CALCR: variants seen among roughly 807,000 people sequenced by gnomAD.
The protein encoded by CALCR is calcitonin receptor.
Under a neutral mutation model 59.5 loss-of-function variants are expected in CALCR, and 47 were observed. That is an observed-to-expected ratio of 0.79 (90% confidence interval 0.63 to 1.01). The LOEUF (loss-of-function observed/expected upper bound fraction) is 1.01, where lower values mean the gene tolerates loss of function less well. Ranked by LOEUF, CALCR falls within the 50% of genes least tolerant of loss-of-function variation. The pLI is 0.00. For missense variants in CALCR, 566 were observed against 597.1 expected, an observed-to-expected ratio of 0.95 and a Z score of 0.54; for synonymous variants, 213 against 211.3, an observed-to-expected ratio of 1.01 and a Z score of -0.07.
intron 2 of CALCR, among the ~76,000 whole-genome samples, chr7:93,516,221 C>G (rs1461804177): frequency 6.6e-6 from 1 of 151,746 alleles, no homozygotes; most frequent in East Asian, 1.9e-4. Context: ...CATGATAATC[C>G]CAAACTTATA....
chr7:93,523,714 T>A (rs1801812123), intron 2 of CALCR, among the ~76,000 whole-genome samples: 2 of 152,204 alleles, frequency 1.3e-5, no homozygotes, highest in Admixed American at 6.5e-5. Flanking sequence ...GATTGCTTTT[T>A]TAAGTCCAGG....
intron 7 of CALCR, among the ~76,000 whole-genome samples, 189 bp from the exon 8 acceptor site, chr7:93,461,136 C>G (rs955982275): frequency 6.6e-6 from 1 of 152,098 alleles, no homozygotes; most frequent in Admixed American, 6.6e-5. Flanking sequence ...AAACATGTTT[C>G]CAAACATAGC....
In CALCR at chr7:93,524,068, C is replaced by T. The variant is rs180705767; in HGVS notation, c.-26-37061G>A. Among the ~76,000 whole-genome samples, 1,008 of 151,906 alleles carry T rather than the reference C, an allele frequency of 6.6e-3. 6 individuals are homozygous for T. The highest frequency in any genetic ancestry group is 0.01 in the Non-Finnish European group (694 of 67,936). On this transcript the variant is annotated intron_variant, in intron 2 of 13. Transcript: ENST00000426151. Reference sequence around the variant, plus strand: ...TTTCATCATATTAGTAGTAATGTTACTCATTAAGTAAAATGAAAAATATAT... The same window carrying T: ...TTTCATCATATTAGTAGTAATGTTATTCATTAAGTAAAATGAAAAATATAT...
In CALCR at chr7:93,435,982, A is replaced by G; in HGVS notation, c.1119T>C (p.Asp373=). The change falls in exon 12 of 14, where the codon GAT becomes GAC. Residue 373 remains aspartate, a synonymous_variant. Transcript: ENST00000426151. ...PSNKMLGKIY[D]YVMHSLIHFQ... Reference sequence around the variant, plus strand: ...AATGAATCAGAGAGTGCATCACGTAATCATATATCTTCCCAAGCATCTTGT... The same window carrying G: ...AATGAATCAGAGAGTGCATCACGTAGTCATATATCTTCCCAAGCATCTTGT... The G allele has an allele frequency of 6.2e-7, 1 of 1,612,606 alleles. No individual in the cohort carries two copies. Among genetic ancestry groups the G allele is most frequent in the Non-Finnish European group, 8.5e-7 (1 of 1,178,754 alleles).
chr7:93,522,581 A>C (rs1050220815), intron 2 of CALCR, among the ~76,000 whole-genome samples: 1 of 152,182 alleles, frequency 6.6e-6, no homozygotes, highest in Non-Finnish European at 1.5e-5. Flanking sequence ...TTGCAGGGTA[A>C]AATTATTTCT....
intron 2 of CALCR, among the ~76,000 whole-genome samples, chr7:93,556,478 G>T (rs2116249058): frequency 6.6e-6 from 1 of 152,000 alleles, no homozygotes; most frequent in South Asian, 2.1e-4. Flanking sequence ...AATCTAAACT[G>T]GAGATAACTT....
intron 2 of CALCR, among the ~76,000 whole-genome samples, chr7:93,497,568 C>T (rs1190987286): frequency 6.6e-6 from 1 of 151,566 alleles, no homozygotes; most frequent in Non-Finnish European, 1.5e-5. Flanking sequence ...TGTTCTGACT[C>T]CTAGTCCTGT....
At chr7:93,528,662 T>C (rs1437535237) in intron 2 of CALCR, among the ~76,000 whole-genome samples, 1 of 152,234 alleles carries the variant, frequency 6.6e-6, no homozygotes, top group Admixed American at 6.5e-5. Flanking sequence ...TAATATAATC[T>C]TAAAGGACTT....
Position 93,527,411 on chromosome 7 carries a change from T to C in CALCR, c.-26-40404A>G, listed in dbSNP as rs568707095. ...ATTGTCTATATTTCTATAATGCAAG[T>C]TGTCCCAAAAAGCTTAGTACAGTTT... On this transcript the variant is annotated intron_variant, in intron 2 of 13. Transcript: ENST00000426151. Among the ~76,000 whole-genome samples the C allele has an allele frequency of 6.0e-4, 92 of 152,196 alleles. 1 individual carries two copies. Among genetic ancestry groups the C allele is most frequent in the African/African-American group, 2.1e-3 (87 of 41,564 alleles).
intron 2 of CALCR, among the ~76,000 whole-genome samples, chr7:93,561,284 A>T (rs1476603007): frequency 6.6e-6 from 1 of 152,112 alleles, no homozygotes; most frequent in Non-Finnish European, 1.5e-5. Context: ...TCACACACTA[A>T]TAACATCATT....
intron 2 of CALCR, among the ~76,000 whole-genome samples, chr7:93,567,645 C>A (rs1423780200): frequency 1.3e-5 from 2 of 152,052 alleles, no homozygotes; most frequent in Non-Finnish European, 2.9e-5. Context: ...TGGTTTGCTG[C>A]ACTCATCAAC....
chr7:93,539,985 G>C (rs1410112899), intron 2 of CALCR, among the ~76,000 whole-genome samples: 1 of 152,126 alleles, frequency 6.6e-6, no homozygotes, highest in Non-Finnish European at 1.5e-5. Flanking sequence ...AGTACTTCCT[G>C]GTTTCCCACT....
chr7:93,464,790 A>G (rs944106821), intron 7 of CALCR, among the ~76,000 whole-genome samples: 4 of 151,906 alleles, frequency 2.6e-5, no homozygotes, highest in Non-Finnish European at 5.9e-5. Context: ...CATTGATTTC[A>G]TGGTTTCCTT....
chr7:93,547,282 A>G (rs1789314942), intron 2 of CALCR, among the ~76,000 whole-genome samples: 2 of 152,220 alleles, frequency 1.3e-5, no homozygotes, highest in Non-Finnish European at 2.9e-5. Flanking sequence ...ACATAATGCT[A>G]TAGATAGCAC....
Position 93,425,451 on chromosome 7 carries a change from T to A in CALCR, c.*905A>T, listed in dbSNP as rs563993815. 6.6e-6 allele frequency: 1 copy of A among 152,630 alleles called. No individual in the cohort carries two copies. 9.5% of individuals were successfully genotyped at this position (152,630 alleles called of 1,614,324 possible). On this transcript the variant is annotated 3_prime_UTR_variant, in exon 14 of 14. Coordinates refer to ENST00000426151, the MANE Select transcript of CALCR (RefSeq NM_001742.4). ...GATAGCACCCAAGGGCAAGAGGTAATCTGCTTTATAAACCTTGGAGTAATT... is the reference window on the plus strand; with the variant it reads ...GATAGCACCCAAGGGCAAGAGGTAAACTGCTTTATAAACCTTGGAGTAATT...
chr7:93,527,026 C>T (rs1369115737), intron 2 of CALCR, among the ~76,000 whole-genome samples: 1 of 151,746 alleles, frequency 6.6e-6, no homozygotes, highest in African/African-American at 2.4e-5. Context: ...TTTCTTCATA[C>T]CTGATCTCTT....
Position 93,482,366 on chromosome 7 carries a change from C to G in CALCR, c.52-2859G>C, listed in dbSNP as rs569925082. 4.0e-5 allele frequency among the ~76,000 whole-genome samples: 6 copies of G among 151,806 alleles called. No homozygotes were observed. In the South Asian group the frequency reaches 1.2e-3, roughly 31 times the overall value. On this transcript the variant is annotated intron_variant, in intron 3 of 13. Transcript: ENST00000426151. Reference sequence around the variant, plus strand: ...AATCTTCAGTTAATATGAGAATGATCATTTGATGTATTATTAATTTCTGGA... The same window carrying G: ...AATCTTCAGTTAATATGAGAATGATGATTTGATGTATTATTAATTTCTGGA...
chr7:93,440,207 G>A (rs1296953571), intron 9 of CALCR, among the ~76,000 whole-genome samples: 1 of 152,092 alleles, frequency 6.6e-6, no homozygotes, highest in African/African-American at 2.4e-5. Flanking sequence ...TTAAAAGTAT[G>A]TAGGTTTTGC....
chr7:93,484,709 A>G (rs758874102), intron 3 of CALCR, among the ~76,000 whole-genome samples: 7 of 151,774 alleles, frequency 4.6e-5, no homozygotes, highest in Non-Finnish European at 5.9e-5. Context: ...AATTCAAAGC[A>G]AATAGGTGAA....
Sources: allele counts gnomAD v4.1 joint callset (sites outside exome capture counted in the v4.1 genomes callset), GRCh38; gene constraint gnomAD v4.1.1; transcripts MANE v1.5; gene names NCBI Gene and HGNC (gene_info 2026-07-23, HGNC 2026-07-21).